Variants in SLC2A13 observed in about 807,000 individuals in gnomAD.
SLC2A13 encodes solute carrier family 2 member 13.
A neutral mutation model predicts 64.4 loss-of-function variants in SLC2A13; 32 were observed. That is an observed-to-expected ratio of 0.50 (90% confidence interval 0.37 to 0.67). SLC2A13 has a LOEUF of 0.67. Among genes scored for constraint, SLC2A13 ranks in the 30% least tolerant of loss-of-function variants. The pLI is 0.00. For missense variants in SLC2A13, 743 were observed against 829.2 expected (o/e 0.90, Z 1.28); for synonymous variants, 338 against 327.1 (o/e 1.03, Z -0.36).
At chr12:39,941,509 T>C (rs1056899869) in intron 4 of SLC2A13, among the ~76,000 whole-genome samples, 2 of 152,196 alleles carry the variant, frequency 1.3e-5, no homozygotes, top group African/African-American at 4.8e-5. Context: ...TGATTTGCAC[T>C]TCCCTGATCA....
At chr12:39,778,031 T>C (rs1300568865) in intron 7 of SLC2A13, among the ~76,000 whole-genome samples, 1 of 152,138 alleles carries the variant, frequency 6.6e-6, no homozygotes, top group Non-Finnish European at 1.5e-5. Context: ...GCTGTAAACA[T>C]TCACCCCTAG....
intron 7 of SLC2A13, among the ~76,000 whole-genome samples, chr12:39,787,573 T>C (rs1264626844): frequency 3.9e-5 from 6 of 152,184 alleles, no homozygotes; most frequent in African/African-American, 1.4e-4. Context: ...ATATACTTTT[T>C]TGGCTTCCTC....
chr12:39,813,165 C>T (rs1020097731), intron 7 of SLC2A13, among the ~76,000 whole-genome samples: 5 of 151,464 alleles, frequency 3.3e-5, no homozygotes, highest in Non-Finnish European at 2.9e-5. Context: ...CTTTTGCCCT[C>T]CCTTTAAAAC....
chr12:39,890,663 T>C (rs1177298685), intron 4 of SLC2A13, among the ~76,000 whole-genome samples: 1 of 152,184 alleles, frequency 6.6e-6, no homozygotes, highest in Non-Finnish European at 1.5e-5. Context: ...ACTGTATATA[T>C]GTATTGAAAC....
intron 3 of SLC2A13, among the ~76,000 whole-genome samples, chr12:40,008,276 G>T (rs1052657086): frequency 2.6e-5 from 4 of 152,140 alleles, no homozygotes; most frequent in African/African-American, 9.7e-5. Context: ...GGTGATGACA[G>T]GAAGCTCCAG....
intron 4 of SLC2A13, among the ~76,000 whole-genome samples, chr12:39,931,716 A>T (rs890605896): frequency 6.6e-6 from 1 of 152,188 alleles, no homozygotes; most frequent in Non-Finnish European, 1.5e-5. Context: ...TTCCAATTTA[A>T]CTTTTAAATT....
At chr12:40,091,917 G>A (rs892433958) in intron 1 of SLC2A13, among the ~76,000 whole-genome samples, 2 of 152,196 alleles carry the variant, frequency 1.3e-5, no homozygotes, top group Non-Finnish European at 2.9e-5. Context: ...ACTTTTAACA[G>A]AAAATAGTTT....
intron 7 of SLC2A13, among the ~76,000 whole-genome samples, chr12:39,814,553 A>T (rs994666156): frequency 1.3e-5 from 2 of 152,188 alleles, no homozygotes; most frequent in Admixed American, 1.3e-4. Flanking sequence ...AAACTGAAGA[A>T]TGCTTTGGTA....
At chr12:39,902,970 T>C (rs906085472) in intron 4 of SLC2A13, among the ~76,000 whole-genome samples, 3 of 152,144 alleles carry the variant, frequency 2.0e-5, no homozygotes, top group Non-Finnish European at 4.4e-5. Flanking sequence ...GAAATGTTTG[T>C]TCATAAAAAG....
intron 1 of SLC2A13, among the ~76,000 whole-genome samples, chr12:40,071,761 T>C (rs1411925636): frequency 6.6e-6 from 1 of 152,162 alleles, no homozygotes; most frequent in Non-Finnish European, 1.5e-5. Context: ...TTAATGTCCA[T>C]GGAATCTGTA....
chr12:40,064,046 C>G (rs1039350865), intron 1 of SLC2A13, among the ~76,000 whole-genome samples: 4 of 152,034 alleles, frequency 2.6e-5, no homozygotes, highest in African/African-American at 9.7e-5. Flanking sequence ...AGTTTGAGAT[C>G]AGCCTGGGCA....
At chr12:39,860,845 C>T (rs530017584) in intron 6 of SLC2A13, among the ~76,000 whole-genome samples, 34 of 152,292 alleles carry the variant, frequency 2.2e-4, no homozygotes, top group African/African-American at 7.7e-4. Context: ...AAACCAGTCT[C>T]CCTACATGAA....
chr12:39,970,183 T>G (rs1416626438), intron 3 of SLC2A13, among the ~76,000 whole-genome samples: 1 of 152,236 alleles, frequency 6.6e-6, no homozygotes, highest in African/African-American at 2.4e-5. Context: ...ACCAGTACCA[T>G]GCTGTTTTGG....
At position 39,812,367 on chromosome 12, in the gene SLC2A13, CT is replaced by C. The variant is rs1444151194; in HGVS notation, c.1445+17735del. ...CTTTTCTTTTCTTTTCTTTTCTTTTCTTTTCTTTTCTTTTCTTTCTTTCTCT... is the reference window on the plus strand; with the variant it reads ...CTTTTCTTTTCTTTTCTTTTCTTTTCTTTCTTTTCTTTTCTTTCTTTCTCT... On this transcript the variant is annotated intron_variant, in intron 7 of 9. Coordinates refer to ENST00000280871, the MANE Select transcript of SLC2A13 (RefSeq NM_052885.4). 1.9e-3 allele frequency among the ~76,000 whole-genome samples: 265 copies of C among 142,632 alleles called. 2 individuals carry two copies. Among genetic ancestry groups the C allele is most frequent in the Middle Eastern group, 3.5e-3 (1 of 282 alleles). The allele number at this position is 142,632 out of a possible 152,430, so 93.6% of individuals were successfully genotyped here.
intron 5 of SLC2A13, among the ~76,000 whole-genome samples, chr12:39,867,996 C>G (rs897263351): frequency 6.6e-6 from 1 of 152,206 alleles, no homozygotes; most frequent in Admixed American, 6.5e-5. Flanking sequence ...GTCCTATCAT[C>G]TACTCATATA....
intron 4 of SLC2A13, among the ~76,000 whole-genome samples, chr12:39,922,143 T>A (rs1304663301): frequency 6.6e-6 from 1 of 152,212 alleles, no homozygotes. Flanking sequence ...AAAACCATTA[T>A]TCTCTGTATC....
rs530238123 is a variant in SLC2A13 at position 40,083,090 on chromosome 12, T to A, written c.556+22163A>T. ...TAAATAGCAATTTTCAATAGCTATG[T>A]TATTCAGATTACTCAGGAGATAGAC... On this transcript the variant is annotated intron_variant, in intron 1 of 9. Transcript: ENST00000280871. Among the ~76,000 whole-genome samples the A allele has an allele frequency of 3.9e-5, 6 of 152,338 alleles. No individual in the cohort carries two copies. In the East Asian group the frequency reaches 1.2e-3, roughly 29 times the overall value.
chr12:39,967,952 T>C (rs1399440875), intron 3 of SLC2A13, among the ~76,000 whole-genome samples: 1 of 152,192 alleles, frequency 6.6e-6, no homozygotes, highest in African/African-American at 2.4e-5. Context: ...ATGACTTAAA[T>C]AGATTCCCTA....
chr12:39,783,988 G>A (rs1476412983), intron 7 of SLC2A13, among the ~76,000 whole-genome samples: 1 of 152,116 alleles, frequency 6.6e-6, no homozygotes, highest in African/African-American at 2.4e-5. Context: ...GCTTCAAAGA[G>A]AATAAAATAC....
Sources: gnomAD v4.1 joint callset for allele counts (sites outside exome capture counted in the v4.1 genomes callset) on GRCh38, gnomAD v4.1.1 for gene constraint, MANE v1.5 for transcripts, NCBI Gene and HGNC (gene_info 2026-07-23, HGNC 2026-07-21) for gene names.